The following GRIK1 variants were observed in gnomAD, a reference collection of about 807,000 sequenced individuals.
The protein encoded by GRIK1 is glutamate ionotropic receptor kainate type subunit 1.
GRIK1 carries 69 observed loss-of-function variants against 105.7 expected under a neutral mutation model. The observed-to-expected ratio is 0.65, with a 90% CI of 0.54 to 0.80. The LOEUF (loss-of-function observed/expected upper bound fraction) is 0.80. Among genes scored for constraint, GRIK1 ranks in the 30% least tolerant of loss-of-function variants. GRIK1 has a pLI of 0.00. For missense variants in GRIK1, 1,109 were observed against 1,167.3 expected, an observed-to-expected ratio of 0.95 and a Z score of 0.73; for synonymous variants, 438 against 431.3, an observed-to-expected ratio of 1.02 and a Z score of -0.19.
chr21:29,652,893 C>A (rs1263848641), intron 5 of GRIK1, among the ~76,000 whole-genome samples: 1 of 152,174 alleles, frequency 6.6e-6, no homozygotes, highest in African/African-American at 2.4e-5. Context: ...CAAATTTATT[C>A]TTTTGATGAA....
intron 1 of GRIK1, among the ~76,000 whole-genome samples, chr21:29,875,747 A>T (rs905678009): frequency 2.0e-5 from 3 of 152,214 alleles, no homozygotes; most frequent in Non-Finnish European, 2.9e-5. Context: ...CTCTTTGCAG[A>T]AAAGAAAACT....
At chr21:29,623,245 G>A (rs1271874089) in intron 7 of GRIK1, among the ~76,000 whole-genome samples, 2 of 152,084 alleles carry the variant, frequency 1.3e-5, no homozygotes, top group African/African-American at 4.8e-5. Flanking sequence ...ATAAAACCAT[G>A]AGATCTCATG....
At chr21:29,565,447 T>C (rs2090590280) in intron 14 of GRIK1, among the ~76,000 whole-genome samples, 2 of 152,342 alleles carry the variant, frequency 1.3e-5, no homozygotes, top group South Asian at 2.1e-4. Context: ...TTTTTTATTT[T>C]TTGAGACGTT....
At chr21:29,732,872 CTATT>C (rs1049076946) in intron 1 of GRIK1, among the ~76,000 whole-genome samples, 8 of 152,096 alleles carry the variant, frequency 5.3e-5, no homozygotes, top group Non-Finnish European at 1.0e-4. Context: ...AAAATGGCAA[CTATT>C]TAACCAGCAA....
At chr21:29,747,030 T>G (rs1413565273) in intron 1 of GRIK1, among the ~76,000 whole-genome samples, 1 of 152,214 alleles carries the variant, frequency 6.6e-6, no homozygotes, top group African/African-American at 2.4e-5. Flanking sequence ...CTTTGTTGGA[T>G]ACCATAAGGT....
chr21:29,878,859 T>C (rs1364016609), intron 1 of GRIK1, among the ~76,000 whole-genome samples: 2 of 152,212 alleles, frequency 1.3e-5, no homozygotes, highest in East Asian at 3.9e-4. Context: ...CTATTGTTTA[T>C]AAGTCACCGA....
chr21:29,718,579 A>G (rs1203988147), intron 1 of GRIK1, among the ~76,000 whole-genome samples: 1 of 152,232 alleles, frequency 6.6e-6, no homozygotes, highest in African/African-American at 2.4e-5. Context: ...TGGTTTCAAC[A>G]GTGATTCAAA....
intron 16 of GRIK1, among the ~76,000 whole-genome samples, chr21:29,538,467 G>A (rs773533740): frequency 5.3e-5 from 8 of 152,188 alleles, no homozygotes; most frequent in East Asian, 1.9e-4. Context: ...TTTCAATTAT[G>A]CAAGATAAAT....
At chr21:29,836,036 G>C (rs1388860481) in intron 1 of GRIK1, among the ~76,000 whole-genome samples, 1 of 152,178 alleles carries the variant, frequency 6.6e-6, no homozygotes, top group African/African-American at 2.4e-5. Context: ...GCAATAGCAG[G>C]CTGCACTCTT....
intron 1 of GRIK1, among the ~76,000 whole-genome samples, chr21:29,862,913 A>G (rs910688447): frequency 6.6e-6 from 1 of 152,248 alleles, no homozygotes; most frequent in Non-Finnish European, 1.5e-5. Flanking sequence ...TTTTATGACA[A>G]CAAAGACCTC....
chr21:29,893,103 A>G (rs1390259042), intron 1 of GRIK1, among the ~76,000 whole-genome samples: 4 of 152,226 alleles, frequency 2.6e-5, no homozygotes, highest in African/African-American at 7.2e-5. Flanking sequence ...AATTGGATGG[A>G]AATTTAAAGA....
At chr21:29,585,416 T>C (rs959388108) in intron 12 of GRIK1, among the ~76,000 whole-genome samples, 1 of 152,202 alleles carries the variant, frequency 6.6e-6, no homozygotes, top group Admixed American at 6.5e-5. Flanking sequence ...TTTCAGCCTG[T>C]GTGCTTGTGA....
At chr21:29,770,178 G>A (rs2065779360) in intron 1 of GRIK1, among the ~76,000 whole-genome samples, 1 of 152,112 alleles carries the variant, frequency 6.6e-6, no homozygotes, top group African/African-American at 2.4e-5. Flanking sequence ...TAGACAACTC[G>A]CGTTTTAAAT....
chr21:29,683,629 G>A (rs987234404), intron 3 of GRIK1, among the ~76,000 whole-genome samples: 1 of 152,130 alleles, frequency 6.6e-6, no homozygotes. Flanking sequence ...ACTAGAGGAG[G>A]GAGGCAAGGG....
At chr21:29,824,063 C>T (rs565703401) in intron 1 of GRIK1, among the ~76,000 whole-genome samples, 13 of 151,900 alleles carry the variant, frequency 8.6e-5, no homozygotes, top group Non-Finnish European at 1.8e-4. Context: ...TGCAATTTCT[C>T]TGGTGAGGGG....
At chr21:29,636,873 G>A (rs1257240711) in intron 7 of GRIK1, among the ~76,000 whole-genome samples, 1 of 151,920 alleles carries the variant, frequency 6.6e-6, no homozygotes, top group South Asian at 2.1e-4. Context: ...TTGAATTTTA[G>A]CAGACAACTT....
intron 1 of GRIK1, among the ~76,000 whole-genome samples, chr21:29,857,051 C>A (rs1455873281): frequency 6.6e-6 from 1 of 152,076 alleles, no homozygotes; most frequent in Non-Finnish European, 1.5e-5. Context: ...TTTCATCATT[C>A]AAAGTAAAAT....
chr21:29,595,209 C>A (rs2061388517), intron 9 of GRIK1, among the ~76,000 whole-genome samples: 1 of 152,018 alleles, frequency 6.6e-6, no homozygotes, highest in South Asian at 2.1e-4. Context: ...GTGGCTCTTG[C>A]AGTTTAGTGA....
At chr21:29,576,063 G>T (rs1321505137) in intron 14 of GRIK1, among the ~76,000 whole-genome samples, 3 of 151,172 alleles carry the variant, frequency 2.0e-5, no homozygotes, top group Non-Finnish European at 4.4e-5. Context: ...AAAAACTTTA[G>T]CCCCTTCTCT....
Sources: allele counts gnomAD v4.1 joint callset (sites outside exome capture counted in the v4.1 genomes callset), GRCh38; gene constraint gnomAD v4.1.1; transcripts MANE v1.5; gene names NCBI Gene and HGNC (gene_info 2026-07-23, HGNC 2026-07-21).